STAT5B: variants seen among roughly 807,000 people sequenced by gnomAD.
STAT5B encodes the protein transcription factor STAT5B.
STAT5B carries 21 observed loss-of-function variants against 107.8 expected under a neutral mutation model. The ratio of observed to expected loss-of-function variants is 0.19; its 90% CI spans 0.14 to 0.28. STAT5B has a LOEUF of 0.28. STAT5B is among the 10% of genes least tolerant of loss of function. The probability of loss-of-function intolerance (pLI) is 1.00; values close to 1 mark genes in which losing one functional copy is unlikely to be tolerated. For missense variants in STAT5B, 565 were observed against 1,008.2 expected (o/e 0.56, Z 5.95); for synonymous variants, 325 against 401.7 (o/e 0.81, Z 2.28).
intron 1 of STAT5B, among the ~76,000 whole-genome samples, chr17:42,245,588 T>C (rs2080444724): frequency 6.6e-6 from 1 of 151,812 alleles, no homozygotes; most frequent in South Asian, 2.1e-4. Context: ...AATGGCGCGA[T>C]CTTGGCTCAC....
chr17:42,247,811 C>A (rs571864153), intron 1 of STAT5B, among the ~76,000 whole-genome samples: 1 of 151,828 alleles, frequency 6.6e-6, no homozygotes, highest in East Asian at 1.9e-4. Flanking sequence ...AAAGTAGTAG[C>A]GTGTGGTGGC....
chr17:42,281,141 A>C (rs529960742), upstream of STAT5B, among the ~76,000 whole-genome samples: 1 of 151,230 alleles, frequency 6.6e-6, no homozygotes, highest in Admixed American at 6.6e-5. Flanking sequence ...CTCAAAAAAA[A>C]AAAACAAAAA....
At chr17:42,269,691 A>G (rs1157960122) in intron 1 of STAT5B, 1 of 152,234 alleles carries the variant, frequency 6.6e-6, no homozygotes, top group Non-Finnish European at 1.5e-5. Context: ...TACTCTGCAC[A>G]GGGAATTGAA....
chr17:42,224,766 A>C lies in STAT5B; in HGVS notation c.375+13T>G. On this transcript the variant is annotated intron_variant, in intron 4 of 18. Transcript: ENST00000293328. The stretch of plus-strand genomic sequence containing the variant: ...CTTCCCGACTGCCCTCCCCATCCCT[A>C]TGGGACACTCACATTGTTGGCTTCT... 1.9e-6 allele frequency: 3 copies of C among 1,613,404 alleles called. No homozygotes were observed. The highest frequency in any genetic ancestry group is 2.5e-6 in the Non-Finnish European group (3 of 1,179,510).
intron 1 of STAT5B, among the ~76,000 whole-genome samples, chr17:42,267,000 GACAGACCACATATATC>G (rs1220549299): frequency 6.6e-6 from 1 of 152,124 alleles, no homozygotes; most frequent in Non-Finnish European, 1.5e-5. Flanking sequence ...TTCAGTCAAT[GACAGACCACATATATC>G]ACTGTGGTCC....
At position 42,263,910 on chromosome 17, in the gene STAT5B, CAG is replaced by C. The variant is rs1169769275; in HGVS notation, c.-11+12336_-11+12337del. Among the ~76,000 whole-genome samples the C allele has an allele frequency of 3.1e-3, 450 of 145,728 alleles. 4 individuals are homozygous for C. The highest frequency in any genetic ancestry group is 0.011 in the African/African-American group (431 of 39,690). ...ACACACACACACACACACACACACA[CAG>C]GGAACTCCACGACCCAGAAGAAATC... On this transcript the variant is annotated intron_variant, in intron 1 of 18. Coordinates refer to ENST00000293328, the MANE Select transcript of STAT5B (RefSeq NM_012448.4).
intron 1 of STAT5B, among the ~76,000 whole-genome samples, chr17:42,244,749 C>T (rs566602510): frequency 1.4e-4 from 22 of 152,008 alleles, no homozygotes; most frequent in African/African-American, 5.3e-4. Flanking sequence ...TATATACCGT[C>T]GGGACAAACA....
chr17:42,225,251 C>A (rs2144273078), intron 3 of STAT5B, among the ~76,000 whole-genome samples: 1 of 152,170 alleles, frequency 6.6e-6, no homozygotes, highest in East Asian at 1.9e-4. Flanking sequence ...GATGGGGTTC[C>A]ACCATGTTGG....
chr17:42,280,062 A>T (rs1484123283), upstream of STAT5B, among the ~76,000 whole-genome samples: 1 of 152,036 alleles, frequency 6.6e-6, no homozygotes, highest in Admixed American at 6.5e-5. Context: ...GGCCTCGGGG[A>T]CATATTCCCT....
intron 1 of STAT5B, chr17:42,234,646 G>A (rs570125839): frequency 6.6e-6 from 1 of 152,288 alleles, no homozygotes; most frequent in African/African-American, 2.4e-5. Context: ...GATCACCTGA[G>A]GTCAGGAGTT....
At position 42,224,859 on chromosome 17, in the gene STAT5B, C is replaced by G; in HGVS notation, c.295G>C (p.Asp99His). The change falls in exon 4 of 19, where the codon GAC (aspartate) becomes CAC (histidine). Residue 99 changes from aspartate (D) to histidine (H), a missense_variant. Coordinates refer to ENST00000293328, the MANE Select transcript of STAT5B (RefSeq NM_012448.4). The stretch of plus-strand genomic sequence containing the variant: ...CGGACCAGCTCCATGGGGCAGCGGT[C>G]ATACGTGTTCTGAAAGAATCCAACA... Reference protein sequence around the residue: ...HYATQLQNTYDRCPMELVRCI... With the variant: ...HYATQLQNTYHRCPMELVRCI... 1 of 1,613,570 alleles carries G rather than the reference C, an allele frequency of 6.2e-7. No homozygotes were observed. Among genetic ancestry groups the G allele is most frequent in the South Asian group, 1.1e-5 (1 of 91,056 alleles).
chr17:42,258,310 C>T (rs1472736206), intron 1 of STAT5B, among the ~76,000 whole-genome samples: 1 of 152,192 alleles, frequency 6.6e-6, no homozygotes, highest in East Asian at 1.9e-4. Context: ...GCTTAGATGT[C>T]AGGCAATATC....
intron 12 of STAT5B, among the ~76,000 whole-genome samples, chr17:42,213,757 G>A (rs901237691): frequency 2.0e-5 from 3 of 149,042 alleles, no homozygotes; most frequent in African/African-American, 7.4e-5. Flanking sequence ...TCGAATTCCT[G>A]ACCTCAAATG....
chr17:42,202,862 A>G, intron 16 of STAT5B, 54 bp from the exon 17 acceptor site: 5 of 1,605,508 alleles, frequency 3.1e-6, no homozygotes, highest in Non-Finnish European at 4.3e-6. Flanking sequence ...CAAAAATGTG[A>G]TCTTCCTTAT....
intron 1 of STAT5B, among the ~76,000 whole-genome samples, chr17:42,262,859 CATATATGTGTGTGTATATAT>C (rs2080617896): frequency 8.7e-6 from 1 of 114,544 alleles, no homozygotes; most frequent in East Asian, 2.6e-4. Context: ...TATATACACA[CATATATGTGTGTGTATATAT>C]ACACATATAT....
chr17:42,261,196 C>T (rs2144392078), intron 1 of STAT5B, among the ~76,000 whole-genome samples: 1 of 152,088 alleles, frequency 6.6e-6, no homozygotes, highest in East Asian at 1.9e-4. Context: ...GCATAATCCA[C>T]CATGTATGGC....
chr17:42,205,037 C>CT (rs996902834), intron 16 of STAT5B, among the ~76,000 whole-genome samples: 2 of 151,920 alleles, frequency 1.3e-5, no homozygotes, highest in African/African-American at 2.4e-5. Context: ...GGATATATTT[C>CT]TTTTTTTTGA....
At chr17:42,267,294 A>G (rs1315493084) in intron 1 of STAT5B, among the ~76,000 whole-genome samples, 2 of 152,198 alleles carry the variant, frequency 1.3e-5, no homozygotes, top group Non-Finnish European at 2.9e-5. Flanking sequence ...CTTAAAAAAA[A>G]AAGTTAACTG....
rs1036218837 is a variant in STAT5B at position 42,223,259 on chromosome 17, C to A, written c.550+123G>T. The A allele has an allele frequency of 5.4e-5, 76 of 1,415,384 alleles. No homozygotes were observed. In the African/African-American group the frequency reaches 1.0e-3, roughly 19 times the overall value. 87.7% of individuals were successfully genotyped at this position (1,415,384 alleles called of 1,614,324 possible). On this transcript the variant is annotated intron_variant, in intron 5 of 18. Coordinates refer to ENST00000293328, the MANE Select transcript of STAT5B (RefSeq NM_012448.4). ...TGTCTTCAATGCAAATAAGTCCCTGCTACTCAGAGAAAGGTCGCTGCCTCC... is the reference window on the plus strand; with the variant it reads ...TGTCTTCAATGCAAATAAGTCCCTGATACTCAGAGAAAGGTCGCTGCCTCC...
Sources: allele counts gnomAD v4.1 joint callset (sites outside exome capture counted in the v4.1 genomes callset), GRCh38; gene constraint gnomAD v4.1.1; transcripts MANE v1.5; gene names NCBI Gene and HGNC (gene_info 2026-07-23, HGNC 2026-07-21).